Variants in RAB3GAP1 observed in about 807,000 individuals in gnomAD.
RAB3GAP1 encodes rab3 GTPase-activating protein catalytic subunit.
Under a neutral mutation model 130.7 loss-of-function variants are expected in RAB3GAP1, and 86 were observed. The ratio of observed to expected loss-of-function variants is 0.66; its 90% confidence interval spans 0.55 to 0.79. The LOEUF is 0.79. Ranked by LOEUF, RAB3GAP1 falls within the 30% of genes least tolerant of loss-of-function variation. The pLI, the probability that RAB3GAP1 is intolerant of heterozygous loss-of-function variation, is 0.00. For synonymous variants in RAB3GAP1, 367 were observed against 401.7 expected, an observed-to-expected ratio of 0.91 and a Z score of 1.03; for missense variants, 1,029 against 1,169.4, an observed-to-expected ratio of 0.88 and a Z score of 1.75.
chr2:135,167,665 A>G (rs998647432), intron 23 of RAB3GAP1: 16 of 1,475,204 alleles, frequency 1.1e-5, no homozygotes, highest in Non-Finnish European at 1.5e-5. Context: ...CCCTTTCATC[A>G]CTGTTTCTTT....
intron 19 of RAB3GAP1, among the ~76,000 whole-genome samples, chr2:135,160,009 G>C (rs1189813620): frequency 6.6e-6 from 1 of 152,200 alleles, no homozygotes; most frequent in Non-Finnish European, 1.5e-5. Context: ...ATCAGGAGTG[G>C]CTGCTTTGGG....
chr2:135,085,126 G>A (rs1454909996), intron 3 of RAB3GAP1, among the ~76,000 whole-genome samples: 1 of 152,070 alleles, frequency 6.6e-6, no homozygotes, highest in African/African-American at 2.4e-5. Context: ...AAAGGAAAAG[G>A]GTCAGATCTG....
At chr2:135,162,443 T>C (rs1558805406) in intron 19 of RAB3GAP1, 112 bp from the exon 20 acceptor site, 1 of 795,790 alleles carries the variant, frequency 1.3e-6, no homozygotes, top group Non-Finnish European at 2.2e-6. Context: ...CTATCTGGAG[T>C]GCTGTCTTGT....
At chr2:135,128,913 G>C (rs1311900151) in intron 11 of RAB3GAP1, among the ~76,000 whole-genome samples, 1 of 152,192 alleles carries the variant, frequency 6.6e-6, no homozygotes, top group African/African-American at 2.4e-5. Flanking sequence ...CATTTTGAGA[G>C]GTCGAGGCAG....
In RAB3GAP1 at chr2:135,115,341, C is replaced by G. The variant is rs752215824; in HGVS notation, c.608C>G (p.Thr203Ser). The G allele has an allele frequency of 1.1e-5, 18 of 1,613,766 alleles. No individual in the cohort carries two copies. Among genetic ancestry groups the G allele is most frequent in the Non-Finnish European group, 1.5e-5 (18 of 1,179,698 alleles). The change falls in exon 7 of 24, where the codon ACT becomes AGT. Residue 203 changes from threonine to serine, a missense_variant. Around this residue, in one of 3 missense-constraint regions of RAB3GAP1, gnomAD observed 510 missense variants for 532.1 expected, o/e 0.96. Coordinates refer to ENST00000264158, the MANE Select transcript of RAB3GAP1 (RefSeq NM_012233.3). ...VHLRKVPNQY[T>S]HLSGLLDIFK... ...CTTAGAAAAGTGCCAAATCAGTACACTCACTTATCAGGTCTGCTGGATATC... is the reference window on the plus strand; with the variant it reads ...CTTAGAAAAGTGCCAAATCAGTACAGTCACTTATCAGGTCTGCTGGATATC...
intron 12 of RAB3GAP1, 76 bp from the exon 13 acceptor site, chr2:135,130,475 TA>T: frequency 8.3e-7 from 1 of 1,207,822 alleles, no homozygotes. Context: ...ATATTCTATA[TA>T]ATCATCAATT....
chr2:135,140,687 C>CCCTGGGA (rs1691813949), intron 17 of RAB3GAP1, among the ~76,000 whole-genome samples: 3 of 152,322 alleles, frequency 2.0e-5, no homozygotes, highest in South Asian at 2.1e-4. Flanking sequence ...TGGGAGTTAT[C>CCCTGGGA]AGTAGGGGCT....
chr2:135,137,273 G>T (rs377617851), intron 17 of RAB3GAP1: 123 of 388,542 alleles, frequency 3.2e-4, no homozygotes, highest in African/African-American at 2.3e-3. Context: ...AGGTATTGGC[G>T]TATTCCACAC....
At chr2:135,093,730 G>T in intron 5 of RAB3GAP1, 37 bp downstream of exon 5, 1 of 1,478,910 alleles carries the variant, frequency 6.8e-7, no homozygotes, top group Non-Finnish European at 9.5e-7. Flanking sequence ...TTTAGTATGT[G>T]TGTTGCGGGG....
rs753026286 is a variant in RAB3GAP1, at chr2:135,168,810, C to T, written c.*29C>T. ...TTCTAGCATTACTCGTTGGTGGCTTCAGAGACAGTGCTGCCTCCTCCTGAG... is the reference window on the plus strand; with the variant it reads ...TTCTAGCATTACTCGTTGGTGGCTTTAGAGACAGTGCTGCCTCCTCCTGAG... On this transcript the variant is annotated 3_prime_UTR_variant, in exon 24 of 24. Transcript: ENST00000264158. The T allele has an allele frequency of 6.3e-7, 1 of 1,587,632 alleles. No homozygotes were observed. The highest frequency in any genetic ancestry group is 8.6e-7 in the Non-Finnish European group (1 of 1,156,104).
At chr2:135,123,945 A>G (rs1404649608) in intron 8 of RAB3GAP1, 2 of 536,238 alleles carry the variant, frequency 3.7e-6, no homozygotes, top group Admixed American at 6.5e-5. Context: ...TGAATGAAAT[A>G]CTGGATAAAT....
intron 3 of RAB3GAP1, among the ~76,000 whole-genome samples, chr2:135,064,727 T>C (rs1574077608): frequency 6.6e-6 from 1 of 151,028 alleles, no homozygotes; most frequent in Admixed American, 6.6e-5. Flanking sequence ...TTTTCCTGTT[T>C]CGTTTTGTTT....
chr2:135,123,913 G>A (rs568668373), intron 8 of RAB3GAP1, among the ~76,000 whole-genome samples: 1 of 152,182 alleles, frequency 6.6e-6, no homozygotes, highest in South Asian at 2.1e-4. Context: ...TTTCAGAAGG[G>A]CAAAATTTAG....
chr2:135,137,288 G>C, intron 17 of RAB3GAP1: 1 of 322,882 alleles, frequency 3.1e-6, no homozygotes. Flanking sequence ...CCACACATCT[G>C]TACTATTCTT....
At chr2:135,111,508 G>A (rs1316158592) in intron 5 of RAB3GAP1, among the ~76,000 whole-genome samples, 3 of 152,102 alleles carry the variant, frequency 2.0e-5, no homozygotes, top group East Asian at 3.9e-4. Flanking sequence ...TTTTTAATGT[G>A]TTATTGAGTA....
At chr2:135,097,910 G>A (rs1237817672) in intron 5 of RAB3GAP1, among the ~76,000 whole-genome samples, 1 of 152,210 alleles carries the variant, frequency 6.6e-6, no homozygotes, top group Non-Finnish European at 1.5e-5. Flanking sequence ...ACCTAGAGTA[G>A]TATTGCTAAG....
intron 23 of RAB3GAP1, among the ~76,000 whole-genome samples, chr2:135,166,229 C>A (rs1692645843): frequency 6.6e-6 from 1 of 151,834 alleles, no homozygotes; most frequent in Non-Finnish European, 1.5e-5. Flanking sequence ...TATTTTTAGT[C>A]CTGAGATTGT....
intron 19 of RAB3GAP1, chr2:135,162,280 T>C (rs1228676823): frequency 2.9e-5 from 11 of 381,134 alleles, no homozygotes; most frequent in Non-Finnish European, 3.4e-5. Flanking sequence ...CTTGGTATTG[T>C]AATCAGTCGG....
At chr2:135,117,802 C>CT (rs1322732485) in intron 7 of RAB3GAP1, among the ~76,000 whole-genome samples, 2 of 148,466 alleles carry the variant, frequency 1.3e-5, no homozygotes, top group East Asian at 1.9e-4. Context: ...TCTTCTTCTT[C>CT]TTCTTCTTTC....
Sources: gnomAD v4.1 joint callset for allele counts (sites outside exome capture counted in the v4.1 genomes callset) on GRCh38, gnomAD v4.1.1 for gene constraint, gnomAD v4.1.1 regional missense constraint, MANE v1.5 for transcripts, NCBI Gene and HGNC (gene_info 2026-07-23, HGNC 2026-07-21) for gene names.